The following PAPOLA variants were observed in gnomAD, a reference collection of about 807,000 sequenced individuals.
PAPOLA encodes poly(A) polymerase alpha, also known as polynucleotide adenylyltransferase alpha.
A neutral mutation model predicts 100.6 loss-of-function variants in PAPOLA; 15 were observed. The ratio of observed to expected loss-of-function variants is 0.15; its 90% CI spans 0.10 to 0.23. PAPOLA has a LOEUF of 0.23. Among genes scored for constraint, PAPOLA ranks in the 10% least tolerant of loss-of-function variants. The pLI, the probability that PAPOLA is intolerant of heterozygous loss-of-function variation, is 1.00. For missense variants in PAPOLA, 533 were observed against 884.2 expected (o/e 0.60, Z 5.04); for synonymous variants, 293 against 300.0 (o/e 0.98, Z 0.24).
chr14:96,504,908 T>G (rs1352126490), intron 1 of PAPOLA, among the ~76,000 whole-genome samples: 1 of 152,162 alleles, frequency 6.6e-6, no homozygotes, highest in African/African-American at 2.4e-5. Flanking sequence ...GTCCTAATGT[T>G]AAATTTGGAT....
At chr14:96,508,244 T>A (rs1029872006) in intron 1 of PAPOLA, among the ~76,000 whole-genome samples, 23 of 152,180 alleles carry the variant, frequency 1.5e-4, no homozygotes, top group African/African-American at 5.3e-4. Flanking sequence ...CGTCTGTGAT[T>A]TAAATAAAAT....
chr14:96,514,438 C>T (rs1897310088), intron 1 of PAPOLA, among the ~76,000 whole-genome samples: 1 of 152,080 alleles, frequency 6.6e-6, no homozygotes, highest in African/African-American at 2.4e-5. Context: ...GCCTTGGCCT[C>T]CCAAAGTGCT....
intron 20 of PAPOLA, 46 bp from the exon 21 acceptor site, chr14:96,562,772 CT>C (rs766248046): frequency 8.5e-7 from 1 of 1,174,398 alleles, no homozygotes; most frequent in South Asian, 1.3e-5. Flanking sequence ...TTCTTTTATT[CT>C]TTTTTAAGTC....
chr14:96,555,741 ATTTAC>A (rs1901261913), intron 17 of PAPOLA, 101 bp from the exon 18 acceptor site: 1 of 551,004 alleles, frequency 1.8e-6, no homozygotes, highest in African/African-American at 1.9e-5. Flanking sequence ...CCAAAGAATC[ATTTAC>A]TTTACAAAAT....
In PAPOLA at chr14:96,566,073, C is replaced by T. The variant is rs1200878918; in HGVS notation, c.*1023C>T. 4 of 395,372 alleles carry T rather than the reference C, an allele frequency of 1.0e-5. No individual in the cohort carries two copies. The highest frequency in any genetic ancestry group is 8.3e-5 in the African/African-American group (4 of 48,464). 24.5% of individuals were successfully genotyped at this position (395,372 alleles called of 1,614,324 possible). A position where few individuals can be genotyped will look rare whatever the true frequency, so the allele number is the denominator to read the frequency against. ...AAACATGATATCTATCTGGGATGGC[C>T]ATTTGATCTCTAAAAGGAATTTTGT... is the stretch of plus-strand genomic sequence containing the variant. On this transcript the variant is annotated 3_prime_UTR_variant, in exon 22 of 22. Transcript: ENST00000216277.
intron 1 of PAPOLA, among the ~76,000 whole-genome samples, chr14:96,505,349 G>A (rs912132860): frequency 7.2e-5 from 11 of 152,030 alleles, no homozygotes; most frequent in Admixed American, 1.3e-4. Context: ...TGAGAACCAC[G>A]GCATTAACGA....
intron 10 of PAPOLA, chr14:96,535,474 A>G: frequency 1.0e-6 from 1 of 985,102 alleles, no homozygotes. Context: ...AGGGTATATT[A>G]AGAACTTAAG....
chr14:96,509,768 A>T (rs148687626), intron 1 of PAPOLA, among the ~76,000 whole-genome samples: 139 of 152,340 alleles, frequency 9.1e-4, no homozygotes, highest in African/African-American at 3.2e-3. Flanking sequence ...ACACAAAAGG[A>T]ATAGTAAAAA....
rs1897817527 is a variant in PAPOLA, at chr14:96,520,079, A to G, written c.33A>G (p.Gln11=). The part of the protein sequence containing the change: MPFPVTTQGS[Q]QTQPPQKHYG... The stretch of plus-strand genomic sequence containing the variant: ...GTCCAGTTACAACACAGGGATCACA[A>G]CAAACACAACCGCCACAGAAGCACT... The change falls in exon 2 of 22, where the codon CAA becomes CAG. Residue 11 remains glutamine (Q), a synonymous_variant. Transcript: ENST00000216277. The G allele has an allele frequency of 6.2e-7, 1 of 1,613,322 alleles. No individual in the cohort carries two copies. The highest frequency in any genetic ancestry group is 8.5e-7 in the Non-Finnish European group (1 of 1,179,746).
Position 96,566,674 on chromosome 14 carries a change from A to G in PAPOLA, c.*1624A>G, listed in dbSNP as rs1454876824. On this transcript the variant is annotated 3_prime_UTR_variant, in exon 22 of 22. Transcript: ENST00000216277. ...AGTAAACAATATTTCTACTTCCCAC[A>G]TCTTTGCTTTACACAGTCACCTTGC... 6.6e-6 allele frequency: 1 copy of G among 152,434 alleles called. No homozygotes were observed. The highest frequency in any genetic ancestry group is 1.5e-5 in the Non-Finnish European group (1 of 67,940). The allele number at this position is 152,434 out of a possible 1,614,324, so 9.4% of individuals were successfully genotyped here.
At chr14:96,541,613 A>G (rs1278385668) in intron 12 of PAPOLA, among the ~76,000 whole-genome samples, 2 of 152,192 alleles carry the variant, frequency 1.3e-5, no homozygotes, top group East Asian at 3.8e-4. Context: ...CTTTTGTCTA[A>G]TATGAATGGG....
chr14:96,512,808 A>C (rs997908974), intron 1 of PAPOLA, among the ~76,000 whole-genome samples: 1 of 152,220 alleles, frequency 6.6e-6, no homozygotes, highest in East Asian at 1.9e-4. Context: ...TCAGTGAACA[A>C]CCTTGATTAC....
chr14:96,503,305 G>A (rs1174962978), intron 1 of PAPOLA, among the ~76,000 whole-genome samples: 9 of 152,134 alleles, frequency 5.9e-5, no homozygotes, highest in Non-Finnish European at 1.2e-4. Context: ...GTTTTGATGG[G>A]GTAACCAGGT....
At chr14:96,563,742 T>C (rs554661672) in intron 21 of PAPOLA, among the ~76,000 whole-genome samples, 1 of 152,308 alleles carries the variant, frequency 6.6e-6, no homozygotes, top group East Asian at 1.9e-4. Context: ...ATATTATGTT[T>C]AGTTTCTGAA....
rs58550318 is a variant in PAPOLA, at chr14:96,558,526, G to A, written c.2004+2113G>A. Among the ~76,000 whole-genome samples, 1,191 of 152,190 alleles carry A rather than the reference G, an allele frequency of 7.8e-3. 24 individuals carry two copies. Among genetic ancestry groups the A allele is most frequent in the African/African-American group, 0.027 (1,133 of 41,530 alleles). The stretch of plus-strand genomic sequence containing the variant: ...CACTTACCTTGGTAGAATAACACTT[G>A]TGTTTCTTGTCTGGTTTAGAAAAGC... On this transcript the variant is annotated intron_variant, in intron 19 of 21. Coordinates refer to ENST00000216277, the MANE Select transcript of PAPOLA (RefSeq NM_032632.5).
intron 9 of PAPOLA, chr14:96,534,099 C>G: frequency 1.0e-6 from 1 of 1,002,844 alleles, no homozygotes; most frequent in Non-Finnish European, 1.2e-6. Context: ...TCAGAAGTAA[C>G]TTTTAAAATT....
At chr14:96,513,276 C>T (rs1244755867) in intron 1 of PAPOLA, among the ~76,000 whole-genome samples, 1 of 152,006 alleles carries the variant, frequency 6.6e-6, no homozygotes, top group Non-Finnish European at 1.5e-5. Context: ...TCTATGTTGC[C>T]CAGGCTGGTC....
intron 3 of PAPOLA, among the ~76,000 whole-genome samples, chr14:96,522,857 T>C (rs570145744): frequency 3.5e-4 from 53 of 152,306 alleles, no homozygotes; most frequent in Admixed American, 2.1e-3. Context: ...TGGTAATTTT[T>C]CCAGGGTAGT....
intron 1 of PAPOLA, among the ~76,000 whole-genome samples, chr14:96,507,158 C>T (rs1380748947): frequency 6.6e-6 from 1 of 151,932 alleles, no homozygotes; most frequent in South Asian, 2.1e-4. Context: ...CAATTTATTG[C>T]AACAGATTGA....
Sources: gnomAD v4.1 joint callset for allele counts (sites outside exome capture counted in the v4.1 genomes callset) on GRCh38, gnomAD v4.1.1 for gene constraint, MANE v1.5 for transcripts, NCBI Gene and HGNC (gene_info 2026-07-23, HGNC 2026-07-21) for gene names.